Variants in TRAPPC9 observed in about 807,000 individuals in gnomAD.
TRAPPC9 encodes the protein trafficking protein particle complex subunit 9.
In TRAPPC9, 83 loss-of-function variants were observed where a neutral mutation model predicts 124.0. The ratio of observed to expected loss-of-function variants is 0.67; its 90% CI spans 0.56 to 0.80. The LOEUF (loss-of-function observed/expected upper bound fraction) is 0.80, where lower values mean the gene tolerates loss of function less well. TRAPPC9 is among the 30% of genes least tolerant of loss of function. The probability of loss-of-function intolerance (pLI) is 0.00; values close to 1 mark genes in which losing one functional copy is unlikely to be tolerated. For synonymous variants in TRAPPC9, 638 were observed against 617.5 expected, an observed-to-expected ratio of 1.03 and a Z score of -0.49; for missense variants, 1,302 against 1,508.3, an observed-to-expected ratio of 0.86 and a Z score of 2.27.
chr8:140,292,481 T>C (rs1466678628), intron 11 of TRAPPC9, among the ~76,000 whole-genome samples: 2 of 152,166 alleles, frequency 1.3e-5, no homozygotes, highest in African/African-American at 2.4e-5. Flanking sequence ...ACCAGAATTA[T>C]TCAACTTTCA....
At chr8:140,271,303 T>C (rs1258364497) in intron 15 of TRAPPC9, among the ~76,000 whole-genome samples, 1 of 152,118 alleles carries the variant, frequency 6.6e-6, no homozygotes, top group Admixed American at 6.5e-5. Context: ...TCAAAGACTA[T>C]ACAAAGTTTT....
At chr8:140,431,259 C>A (rs982402782) in intron 4 of TRAPPC9, among the ~76,000 whole-genome samples, 8 of 151,880 alleles carry the variant, frequency 5.3e-5, no homozygotes, top group Admixed American at 2.0e-4. Context: ...GAGTTCAAGA[C>A]CAGCCTGGCC....
chr8:139,774,685 G>A (rs1004760321), intron 21 of TRAPPC9, among the ~76,000 whole-genome samples: 9 of 152,326 alleles, frequency 5.9e-5, no homozygotes, highest in East Asian at 5.8e-4. Context: ...CCGGAGGAAC[G>A]AGGGCTTCTC....
chr8:139,826,995 C>T (rs1324282374), intron 21 of TRAPPC9, among the ~76,000 whole-genome samples: 1 of 152,202 alleles, frequency 6.6e-6, no homozygotes, highest in African/African-American at 2.4e-5. Context: ...GCTTGCCGGT[C>T]CATCTTCCGG....
intron 17 of TRAPPC9, among the ~76,000 whole-genome samples, chr8:140,043,606 G>C (rs942738195): frequency 6.6e-6 from 1 of 152,212 alleles, no homozygotes; most frequent in African/African-American, 2.4e-5. Context: ...TGAAGGAGCA[G>C]CTCTGCCCTC....
intron 10 of TRAPPC9, among the ~76,000 whole-genome samples, chr8:140,309,829 A>C (rs1474099478): frequency 1.3e-5 from 2 of 152,200 alleles, no homozygotes; most frequent in Non-Finnish European, 2.9e-5. Flanking sequence ...TGGGCCCTCC[A>C]AACAGCGGTG....
intron 21 of TRAPPC9, among the ~76,000 whole-genome samples, chr8:139,875,008 T>C (rs1230949391): frequency 6.6e-6 from 1 of 152,230 alleles, no homozygotes; most frequent in Non-Finnish European, 1.5e-5. Context: ...CGCTGGAAGT[T>C]ACGCCTTCCT....
chr8:140,386,987 G>C (rs200530161), intron 7 of TRAPPC9, among the ~76,000 whole-genome samples: 33 of 149,018 alleles, frequency 2.2e-4, no homozygotes, highest in South Asian at 4.2e-4. Flanking sequence ...CAATGGAACA[G>C]AACAGAGCCC....
intron 17 of TRAPPC9, among the ~76,000 whole-genome samples, chr8:140,128,464 G>A (rs1015126256): frequency 8.5e-5 from 13 of 152,188 alleles, no homozygotes; most frequent in Admixed American, 5.9e-4. Context: ...GTTAATGAGC[G>A]GCTAAAGGCC....
intron 7 of TRAPPC9, among the ~76,000 whole-genome samples, chr8:140,386,979 A>G (rs1213474989): frequency 6.6e-6 from 1 of 152,206 alleles, no homozygotes; most frequent in East Asian, 1.9e-4. Context: ...ATATAGACCA[A>G]TGGAACAGAA....
chr8:140,164,151 G>A (rs916537948), intron 17 of TRAPPC9, among the ~76,000 whole-genome samples: 6 of 152,270 alleles, frequency 3.9e-5, no homozygotes, highest in African/African-American at 4.8e-5. Context: ...GTGGGGACAC[G>A]GAGATGCACG....
chr8:140,191,166 T>C (rs1275087315), intron 17 of TRAPPC9, among the ~76,000 whole-genome samples: 3 of 152,178 alleles, frequency 2.0e-5, no homozygotes. Flanking sequence ...AAGCTAACTC[T>C]TATTGAGGGC....
chr8:140,001,627 C>T (rs1453073101), intron 18 of TRAPPC9, among the ~76,000 whole-genome samples: 4 of 152,146 alleles, frequency 2.6e-5, no homozygotes, highest in Non-Finnish European at 5.9e-5. Context: ...TGAGGGAATA[C>T]CACTTCAGCC....
At chr8:140,262,362 A>G (rs1177801996) in intron 15 of TRAPPC9, among the ~76,000 whole-genome samples, 1 of 152,026 alleles carries the variant, frequency 6.6e-6, no homozygotes, top group African/African-American at 2.4e-5. Flanking sequence ...TTTCCCATCC[A>G]TGCTCCCGAG....
intron 17 of TRAPPC9, among the ~76,000 whole-genome samples, chr8:140,106,126 C>T (rs1318970344): frequency 6.6e-6 from 1 of 151,964 alleles, no homozygotes; most frequent in East Asian, 1.9e-4. Flanking sequence ...CTCAGCTCAA[C>T]CTTCAGAACA....
intron 21 of TRAPPC9, among the ~76,000 whole-genome samples, chr8:139,824,026 G>A (rs1469182382): frequency 6.6e-6 from 1 of 152,188 alleles, no homozygotes; most frequent in Non-Finnish European, 1.5e-5. Flanking sequence ...GGAGCAGGCA[G>A]CAGTTTACAT....
At chr8:139,928,527 G>C (rs538559002) in intron 19 of TRAPPC9, among the ~76,000 whole-genome samples, 35 of 151,976 alleles carry the variant, frequency 2.3e-4, no homozygotes, top group Middle Eastern at 6.8e-3. Flanking sequence ...AAACACCTGG[G>C]TTCAAATCTT....
chr8:140,024,274 C>T (rs13260858), intron 17 of TRAPPC9, among the ~76,000 whole-genome samples, 195 bp from the exon 18 acceptor site: 2 of 152,072 alleles, frequency 1.3e-5, no homozygotes, highest in African/African-American at 4.8e-5. Context: ...ACACCCCCAG[C>T]GGGCACCATC....
chr8:140,086,376 G>C (rs778788272), intron 17 of TRAPPC9, among the ~76,000 whole-genome samples: 2 of 152,152 alleles, frequency 1.3e-5, no homozygotes, highest in Non-Finnish European at 2.9e-5. Flanking sequence ...GAGGCAGTCG[G>C]TTGAAATGAC....
Sources: allele counts gnomAD v4.1 joint callset (sites outside exome capture counted in the v4.1 genomes callset), GRCh38; gene constraint gnomAD v4.1.1; transcripts MANE v1.5; gene names NCBI Gene and HGNC (gene_info 2026-07-23, HGNC 2026-07-21).